DCDC2: variants seen among roughly 807,000 people sequenced by gnomAD.
DCDC2 encodes doublecortin domain-containing protein 2.
DCDC2 carries 40 observed loss-of-function variants against 50.2 expected under a neutral mutation model. The observed-to-expected ratio is 0.80, with a 90% CI of 0.62 to 1.04. The LOEUF (loss-of-function observed/expected upper bound fraction) is 1.04, where lower values mean the gene tolerates loss of function less well. DCDC2 is among the 50% of genes least tolerant of loss of function. DCDC2 has a pLI of 0.00. For synonymous variants in DCDC2, 234 were observed against 210.6 expected (o/e 1.11, Z -0.96); for missense variants, 570 against 581.9 (o/e 0.98, Z 0.21).
chr6:24,359,198 A>T (rs1420705441), upstream of DCDC2, among the ~76,000 whole-genome samples: 103 of 42,668 alleles, frequency 2.4e-3, no homozygotes, highest in East Asian at 0.013. Flanking sequence ...TTTATATATT[A>T]TATATATTTT....
chr6:24,264,995 T>C (rs1274618920), intron 7 of DCDC2, among the ~76,000 whole-genome samples: 1 of 151,994 alleles, frequency 6.6e-6, no homozygotes, highest in East Asian at 1.9e-4. Context: ...CAAAATGGAA[T>C]TCAAGACAAA....
In DCDC2 at chr6:24,205,033, T is replaced by C; in HGVS notation, c.992A>G (p.Glu331Gly). The C allele has an allele frequency of 6.2e-7, 1 of 1,614,098 alleles. No individual in the cohort carries two copies. Among genetic ancestry groups the C allele is most frequent in the Non-Finnish European group, 8.5e-7 (1 of 1,179,974 alleles). Residue 331 changes from glutamate (E) to glycine (G), a missense_variant, in exon 8 of 10, where the codon GAA becomes GGA. Transcript: ENST00000378454. ...GACTGGAACCTCAACCTGAGTATCT[T>C]CATCTTCTTGGACTTCTGCTGCCCC... ...TRGAAEVQED[E>G]DTQVEVPVDQ...
intron 8 of DCDC2, among the ~76,000 whole-genome samples, chr6:24,203,614 C>T (rs938225084): frequency 1.2e-4 from 18 of 152,132 alleles, no homozygotes; most frequent in Non-Finnish European, 2.6e-4. Flanking sequence ...AAAGCAATGG[C>T]AACAAAAGCC....
intron 7 of DCDC2, among the ~76,000 whole-genome samples, chr6:24,243,726 T>C (rs970176499): frequency 6.6e-5 from 10 of 152,126 alleles, no homozygotes; most frequent in Admixed American, 2.6e-4. Context: ...TGCCAACCTT[T>C]GGAAATCCTA....
intron 8 of DCDC2, among the ~76,000 whole-genome samples, chr6:24,200,911 A>G (rs1191269905): frequency 6.6e-6 from 1 of 152,190 alleles, no homozygotes; most frequent in Non-Finnish European, 1.5e-5. Flanking sequence ...AAAGACAAAG[A>G]AGGCCATTAC....
upstream of DCDC2, among the ~76,000 whole-genome samples, chr6:24,361,208 T>G (rs1760659635): frequency 6.6e-6 from 1 of 151,948 alleles, no homozygotes; most frequent in Non-Finnish European, 1.5e-5. Context: ...CACATATAAG[T>G]AGGAGTTAAA....
upstream of DCDC2, among the ~76,000 whole-genome samples, chr6:24,358,863 ATATAATATATATG>A (rs1760547882): frequency 1.0e-4 from 4 of 38,624 alleles, no homozygotes; most frequent in Non-Finnish European, 1.6e-4. Flanking sequence ...TATATAATAT[ATATAATATATATG>A]TATTATATAT....
chr6:24,209,347 T>C (rs1000715668), intron 7 of DCDC2, among the ~76,000 whole-genome samples: 4 of 152,214 alleles, frequency 2.6e-5, no homozygotes, highest in African/African-American at 7.2e-5. Context: ...GACAGCGTTA[T>C]TATGTGCCAT....
chr6:24,309,390 G>T (rs1045841548), intron 2 of DCDC2, among the ~76,000 whole-genome samples: 1 of 151,578 alleles, frequency 6.6e-6, no homozygotes, highest in Admixed American at 6.6e-5. Context: ...TGATTCATGA[G>T]ATTGGTAACA....
At chr6:24,313,634 G>A (rs1759611101) in intron 2 of DCDC2, among the ~76,000 whole-genome samples, 1 of 152,242 alleles carries the variant, frequency 6.6e-6, no homozygotes, top group Non-Finnish European at 1.5e-5. Context: ...GGCAGCCCGT[G>A]TGGGCGGGTG....
chr6:24,345,615 A>C (rs1371370753), intron 2 of DCDC2, among the ~76,000 whole-genome samples: 1 of 152,052 alleles, frequency 6.6e-6, no homozygotes, highest in African/African-American at 2.4e-5. Flanking sequence ...GAAGGCTGCT[A>C]CTCTCTGGGA....
chr6:24,276,148 C>T (rs1763352324), intron 7 of DCDC2, among the ~76,000 whole-genome samples: 2 of 152,140 alleles, frequency 1.3e-5, no homozygotes, highest in Admixed American at 6.5e-5. Context: ...GGATCACAAG[C>T]GTGAGCCACT....
intron 7 of DCDC2, among the ~76,000 whole-genome samples, chr6:24,232,312 A>G (rs2113784139): frequency 6.6e-6 from 1 of 152,338 alleles, no homozygotes; most frequent in East Asian, 1.9e-4. Context: ...AAGGAATGAA[A>G]GTTTATACAT....
chr6:24,277,506 T>C (rs1240998079), intron 7 of DCDC2, among the ~76,000 whole-genome samples: 1 of 152,236 alleles, frequency 6.6e-6, no homozygotes. Context: ...CTTGGACTAA[T>C]GCAATTTTTT....
At chr6:24,264,880 C>T (rs961578263) in intron 7 of DCDC2, among the ~76,000 whole-genome samples, 1 of 150,832 alleles carries the variant, frequency 6.6e-6, no homozygotes, top group African/African-American at 2.4e-5. Context: ...AAGAAACACA[C>T]TTCACCTATA....
upstream of DCDC2, among the ~76,000 whole-genome samples, chr6:24,359,668 A>G (rs1760627516): frequency 6.8e-6 from 1 of 148,090 alleles, no homozygotes. Context: ...AAACTGAGGC[A>G]GGAGGCTCAC....
At chr6:24,353,544 A>C in intron 2 of DCDC2, 25 bp downstream of exon 2, 2 of 1,456,366 alleles carry the variant, frequency 1.4e-6, no homozygotes, top group Non-Finnish European at 1.9e-6. Context: ...ATTTATTTGA[A>C]TTTTCAAAAT....
chr6:24,242,517 C>G (rs1245602938), intron 7 of DCDC2, among the ~76,000 whole-genome samples: 1 of 152,164 alleles, frequency 6.6e-6, no homozygotes, highest in Non-Finnish European at 1.5e-5. Flanking sequence ...TCTCCGTGTC[C>G]TCCCACTCCA....
Position 24,171,830 on chromosome 6 carries a change from T to C in DCDC2, c.*2900A>G, listed in dbSNP as rs1028110492. On this transcript the variant is annotated 3_prime_UTR_variant, in exon 10 of 10. Coordinates refer to ENST00000378454, the MANE Select transcript of DCDC2 (RefSeq NM_016356.5). The stretch of plus-strand genomic sequence containing the variant: ...CAATTTTACTAACAAACCATTTGTT[T>C]ACAAGTGTCTTAAAATCCAGATAAG... 1.3e-5 allele frequency: 2 copies of C among 152,232 alleles called. No individual in the cohort carries two copies. Among genetic ancestry groups the C allele is most frequent in the African/African-American group, 4.8e-5 (2 of 41,460 alleles). The allele number at this position is 152,232 out of a possible 1,614,324, so 9.4% of individuals were successfully genotyped here. A position where few individuals can be genotyped will look rare whatever the true frequency, so the allele number is the denominator to read the frequency against.
Sources: gnomAD v4.1 joint callset for allele counts (sites outside exome capture counted in the v4.1 genomes callset) on GRCh38, gnomAD v4.1.1 for gene constraint, MANE v1.5 for transcripts, NCBI Gene and HGNC (gene_info 2026-07-23, HGNC 2026-07-21) for gene names.